TMEM65: variants seen among roughly 807,000 people sequenced by gnomAD.
The protein encoded by TMEM65 is transmembrane protein 65.
In TMEM65, 22 loss-of-function variants were observed where a neutral mutation model predicts 25.4. The ratio of observed to expected loss-of-function variants is 0.86; its 90% confidence interval spans 0.62 to 1.23. TMEM65 has a LOEUF of 1.23. Among genes scored for constraint, TMEM65 ranks in the 50% most tolerant of loss-of-function variants. The pLI is 0.00. For missense variants in TMEM65, 262 were observed against 308.2 expected (o/e 0.85, Z 1.12); for synonymous variants, 132 against 126.2 (o/e 1.05, Z -0.31).
At chr8:124,337,193 T>C (rs924509073) in intron 1 of TMEM65, among the ~76,000 whole-genome samples, 10 of 151,756 alleles carry the variant, frequency 6.6e-5, no homozygotes, top group African/African-American at 2.4e-4. Flanking sequence ...TTGATGAATT[T>C]TGTTAAAACA....
At chr8:124,350,775 T>C (rs1814697443) in intron 1 of TMEM65, among the ~76,000 whole-genome samples, 1 of 152,094 alleles carries the variant, frequency 6.6e-6, no homozygotes, top group Non-Finnish European at 1.5e-5. Flanking sequence ...TGCTGCTTCT[T>C]ATGTTTCACT....
chr8:124,356,960 G>A lies in TMEM65; in HGVS notation c.304+14894C>T, dbSNP rs886817621. Reference sequence around the variant, plus strand: ...TGAACTCAAACAATCCTCCCAACTCGTCCTCCCAAAGTGATGGGATTACAG... The same window carrying A: ...TGAACTCAAACAATCCTCCCAACTCATCCTCCCAAAGTGATGGGATTACAG... On this transcript the variant is annotated intron_variant, in intron 1 of 6. Coordinates refer to ENST00000297632, the MANE Select transcript of TMEM65 (RefSeq NM_194291.3). Among the ~76,000 whole-genome samples the A allele has an allele frequency of 2.6e-5, 4 of 151,996 alleles. No individual in the cohort carries two copies. The East Asian group carries it at 7.7e-4, about 29-fold the overall frequency.
chr8:124,337,293 A>G (rs1814524449), intron 1 of TMEM65, among the ~76,000 whole-genome samples: 3 of 152,010 alleles, frequency 2.0e-5, no homozygotes, highest in Non-Finnish European at 2.9e-5. Context: ...ATGAGGACAG[A>G]ACAACATTAA....
chr8:124,336,922 T>C (rs901484035), intron 1 of TMEM65, among the ~76,000 whole-genome samples: 1 of 151,902 alleles, frequency 6.6e-6, no homozygotes, highest in East Asian at 1.9e-4. Context: ...ATTACTCATA[T>C]CAGGAATGAA....
rs769605811 is a variant in TMEM65, at chr8:124,372,191, C to T, written c.-34G>A. 1.5e-5 allele frequency: 19 copies of T among 1,275,160 alleles called. No individual in the cohort carries two copies. Among genetic ancestry groups the T allele is most frequent in the Non-Finnish European group, 1.9e-5 (19 of 1,005,736 alleles). The allele number at this position is 1,275,160 out of a possible 1,614,324, so 79.0% of individuals were successfully genotyped here. A position where few individuals can be genotyped will look rare whatever the true frequency, so the allele number is the denominator to read the frequency against. On this transcript the variant is annotated 5_prime_UTR_variant, in exon 1 of 7. Coordinates refer to ENST00000297632, the MANE Select transcript of TMEM65 (RefSeq NM_194291.3). ...GAGGAGCTGGGACCCCCGCGGCCGT[C>T]CGGCAAGGCGGTTTCTGGCGCGGCT...
chr8:124,308,142 T>G lies in TMEM65; in HGVS notation c.*5818A>C, dbSNP rs889866536. 1.3e-5 allele frequency: 2 copies of G among 152,240 alleles called. No individual in the cohort carries two copies. Among genetic ancestry groups the G allele is most frequent in the African/African-American group, 4.8e-5 (2 of 41,464 alleles). 9.4% of individuals were successfully genotyped at this position (152,240 alleles called of 1,614,324 possible). On this transcript the variant is annotated 3_prime_UTR_variant, in exon 7 of 7. Coordinates refer to ENST00000297632, the MANE Select transcript of TMEM65 (RefSeq NM_194291.3). ...ATTGGCTCCATTGCTGTTTTGTCTTTGAAGTCAGGAAGTACCTTGCCAGTA... is the reference window on the plus strand; with the variant it reads ...ATTGGCTCCATTGCTGTTTTGTCTTGGAAGTCAGGAAGTACCTTGCCAGTA...
In TMEM65 at chr8:124,308,504, C is replaced by G. The variant is rs1252224428; in HGVS notation, c.*5456G>C. The G allele has an allele frequency of 6.6e-6, 1 of 152,176 alleles. No individual in the cohort carries two copies. The highest frequency in any genetic ancestry group is 2.4e-5 in the African/African-American group (1 of 41,428). 9.4% of individuals were successfully genotyped at this position (152,176 alleles called of 1,614,324 possible). On this transcript the variant is annotated 3_prime_UTR_variant, in exon 7 of 7. Coordinates refer to ENST00000297632, the MANE Select transcript of TMEM65 (RefSeq NM_194291.3). ...ATAAATTCCTGCTGAGGAAAACAAC[C>G]AGATGTTGTGTGTGACTTCGCAGAA...
intron 1 of TMEM65, among the ~76,000 whole-genome samples, chr8:124,358,447 T>C (rs552566511): frequency 6.6e-6 from 1 of 152,336 alleles, no homozygotes; most frequent in Non-Finnish European, 1.5e-5. Flanking sequence ...CAGGTCATAA[T>C]CTACTCTTCT....
At chr8:124,366,800 G>A (rs891267204) in intron 1 of TMEM65, among the ~76,000 whole-genome samples, 6 of 151,842 alleles carry the variant, frequency 4.0e-5, no homozygotes, top group Non-Finnish European at 7.4e-5. Flanking sequence ...AACATACCCC[G>A]TAACTCTAAA....
Position 124,308,723 on chromosome 8 carries a change from T to C in TMEM65, c.*5237A>G, listed in dbSNP as rs1180942647. 1.3e-5 allele frequency: 2 copies of C among 152,184 alleles called. No homozygotes were observed. Among genetic ancestry groups the C allele is most frequent in the African/African-American group, 2.4e-5 (1 of 41,452 alleles). 9.4% of individuals were successfully genotyped at this position (152,184 alleles called of 1,614,324 possible). On this transcript the variant is annotated 3_prime_UTR_variant, in exon 7 of 7. Transcript: ENST00000297632. ...GTGCCACAGAATGAGGAGGAAGACATTTAGAAGCAGTGCCAGAAAACAAAT... is the reference window on the plus strand; with the variant it reads ...GTGCCACAGAATGAGGAGGAAGACACTTAGAAGCAGTGCCAGAAAACAAAT...
chr8:124,361,701 TG>T lies in TMEM65; in HGVS notation c.304+10152del, dbSNP rs761284550. Reference sequence around the variant, plus strand: ...AAATACAAAAATTAGCCGGGAATGGTGGCATGCACCTGTAATCCCAGCTACT... The same window carrying T: ...AAATACAAAAATTAGCCGGGAATGGTGCATGCACCTGTAATCCCAGCTACT... On this transcript the variant is annotated intron_variant, in intron 1 of 6. Transcript: ENST00000297632. 1.4e-4 allele frequency among the ~76,000 whole-genome samples: 21 copies of T among 150,810 alleles called. No homozygotes were observed. In the East Asian group the frequency reaches 4.1e-3, roughly 29 times the overall value.
At chr8:124,321,482 G>A (rs1814302575) in intron 5 of TMEM65, among the ~76,000 whole-genome samples, 1 of 152,118 alleles carries the variant, frequency 6.6e-6, no homozygotes, top group African/African-American at 2.4e-5. Context: ...TGTAAAGAGA[G>A]AGAGAAAGCT....
At chr8:124,336,196 A>G (rs2131208553) in intron 1 of TMEM65, among the ~76,000 whole-genome samples, 1 of 152,192 alleles carries the variant, frequency 6.6e-6, no homozygotes, top group Admixed American at 6.5e-5. Context: ...GCCTAATAAC[A>G]GAATTTCATA....
intron 1 of TMEM65, among the ~76,000 whole-genome samples, chr8:124,349,178 C>T (rs1414719832): frequency 1.3e-5 from 2 of 152,078 alleles, no homozygotes; most frequent in African/African-American, 4.8e-5. Flanking sequence ...TATGGAAGAA[C>T]CAAGAATCAA....
At position 124,371,932 on chromosome 8, in the gene TMEM65, T is replaced by G; in HGVS notation, c.226A>C (p.Ile76Leu). The change falls in exon 1 of 7, where the codon ATC (isoleucine) becomes CTC (leucine). Residue 76 changes from isoleucine to leucine, a missense_variant. Transcript: ENST00000297632. ...LNTAQGARDF[I>L]YSLHSTERSC... ...CTCTCCGTGGAGTGCAGGCTGTAGA[T>G]GAAGTCGCGCGCGCCCTGCGCCGTG... The G allele has an allele frequency of 6.5e-7, 1 of 1,528,700 alleles. No homozygotes were observed. Among genetic ancestry groups the G allele is most frequent in the South Asian group, 1.2e-5 (1 of 82,588 alleles). The allele number at this position is 1,528,700 out of a possible 1,614,324, so 94.7% of individuals were successfully genotyped here.
chr8:124,341,494 G>A (rs1031634002), intron 1 of TMEM65, among the ~76,000 whole-genome samples: 5 of 151,990 alleles, frequency 3.3e-5, no homozygotes, highest in African/African-American at 1.2e-4. Context: ...ACTTTTAATA[G>A]GAAATTGTGA....
Position 124,313,897 on chromosome 8 carries a change from T to G in TMEM65, c.*63A>C. 1 of 1,105,892 alleles carries G rather than the reference T, an allele frequency of 9.0e-7. No individual in the cohort carries two copies. The highest frequency in any genetic ancestry group is 1.6e-5 in the African/African-American group (1 of 63,548). The allele number at this position is 1,105,892 out of a possible 1,614,324, so 68.5% of individuals were successfully genotyped here. A position where few individuals can be genotyped will look rare whatever the true frequency, so the allele number is the denominator to read the frequency against. On this transcript the variant is annotated 3_prime_UTR_variant, in exon 7 of 7. Coordinates refer to ENST00000297632, the MANE Select transcript of TMEM65 (RefSeq NM_194291.3). ...TTACTGTCTTAATTCCTAAATGTTG[T>G]GACAGCATATTTAATTACTGAGGTA...
At chr8:124,332,763 A>G (rs1814447642) in intron 1 of TMEM65, among the ~76,000 whole-genome samples, 1 of 152,074 alleles carries the variant, frequency 6.6e-6, no homozygotes, top group South Asian at 2.1e-4. Context: ...ATTTCCTAGA[A>G]AGTGACAATC....
rs189243765 is a variant in TMEM65, at chr8:124,329,432, G to T, written c.349+1316C>A. The stretch of plus-strand genomic sequence containing the variant: ...CTGGTTAGGATTAATTAGCATTTTG[G>T]GATTCTTTTAATAGCATCTCTAAAA... On this transcript the variant is annotated intron_variant, in intron 2 of 6. Coordinates refer to ENST00000297632, the MANE Select transcript of TMEM65 (RefSeq NM_194291.3). 4.1e-3 allele frequency among the ~76,000 whole-genome samples: 626 copies of T among 151,748 alleles called. 3 individuals are homozygous for T. The highest frequency in any genetic ancestry group is 0.014 in the African/African-American group (578 of 41,450).
Sources: allele counts gnomAD v4.1 joint callset (sites outside exome capture counted in the v4.1 genomes callset), GRCh38; gene constraint gnomAD v4.1.1; transcripts MANE v1.5; gene names NCBI Gene and HGNC (gene_info 2026-07-23, HGNC 2026-07-21).